Variants in ZNF385B observed in about 807,000 individuals in gnomAD.
ZNF385B encodes zinc finger protein 533.
Under a neutral mutation model 39.2 loss-of-function variants are expected in ZNF385B, and 23 were observed. That is an observed-to-expected ratio of 0.59 (90% CI 0.42 to 0.83). ZNF385B has a LOEUF of 0.83. ZNF385B is among the 40% of genes least tolerant of loss of function. The probability of loss-of-function intolerance (pLI) is 0.00; values close to 1 mark genes in which losing one functional copy is unlikely to be tolerated. For synonymous variants in ZNF385B, 205 were observed against 222.6 expected, an observed-to-expected ratio of 0.92 and a Z score of 0.70; for missense variants, 552 against 598.9, an observed-to-expected ratio of 0.92 and a Z score of 0.82.
intron 3 of ZNF385B, among the ~76,000 whole-genome samples, chr2:179,687,777 T>G (rs1260690716): frequency 6.6e-6 from 1 of 152,170 alleles, no homozygotes; most frequent in Non-Finnish European, 1.5e-5. Flanking sequence ...CATAAAATAG[T>G]AGTAACAATA....
chr2:179,707,682 A>G (rs1377817153), intron 3 of ZNF385B, among the ~76,000 whole-genome samples: 1 of 152,170 alleles, frequency 6.6e-6, no homozygotes, highest in African/African-American at 2.4e-5. Flanking sequence ...CCCCCAACTT[A>G]GGGGAAATGG....
chr2:179,479,323 A>G (rs1485351549), intron 6 of ZNF385B, among the ~76,000 whole-genome samples: 5 of 152,188 alleles, frequency 3.3e-5, no homozygotes, highest in Admixed American at 6.5e-5. Flanking sequence ...AAAGCTTGCC[A>G]TGATATCCCG....
At chr2:179,535,451 AT>A (rs1368932474) in intron 4 of ZNF385B, among the ~76,000 whole-genome samples, 2 of 152,162 alleles carry the variant, frequency 1.3e-5, no homozygotes, top group African/African-American at 4.8e-5. Flanking sequence ...TGATATTTAG[AT>A]TTTTTGTTTT....
intron 3 of ZNF385B, among the ~76,000 whole-genome samples, chr2:179,664,970 ATT>A (rs1267600409): frequency 6.6e-6 from 1 of 152,190 alleles, no homozygotes; most frequent in African/African-American, 2.4e-5. Flanking sequence ...TATGAAAAAA[ATT>A]TTAAACAGTT....
rs143524690 is a variant in ZNF385B, at chr2:179,533,407, T to C, written c.441+11420A>G. On this transcript the variant is annotated intron_variant, in intron 4 of 9. Coordinates refer to ENST00000410066, the MANE Select transcript of ZNF385B (RefSeq NM_152520.6). Reference sequence around the variant, plus strand: ...GTAATTTAAAATTTTTTATTTAGGCTGATATTTGCATTCTGAGAAAAAATA... The same window carrying C: ...GTAATTTAAAATTTTTTATTTAGGCCGATATTTGCATTCTGAGAAAAAATA... Among the ~76,000 whole-genome samples, 1,179 of 152,324 alleles carry C rather than the reference T, an allele frequency of 7.7e-3. 12 individuals carry two copies. The highest frequency in any genetic ancestry group is 0.027 in the African/African-American group (1,133 of 41,576).
rs1553525684 is a variant in ZNF385B, at chr2:179,760,223, C to CGTGCGTGTGT, written c.298+9279_298+9280insACACACGCAC. Among the ~76,000 whole-genome samples the CGTGCGTGTGT allele has an allele frequency of 7.0e-3, 1,016 of 144,522 alleles. 40 individuals are homozygous for CGTGCGTGTGT. The East Asian group carries it at 0.094, about 13-fold the overall frequency. 94.8% of individuals were successfully genotyped at this position (144,522 alleles called of 152,430 possible). On this transcript the variant is annotated intron_variant, in intron 3 of 9. Transcript: ENST00000410066. ...CCAGTATTACCTGGATTCCTGTGTGCGTGTGTGTGTGTGTGTGTGTGTGTG... is the reference window on the plus strand; with the variant it reads ...CCAGTATTACCTGGATTCCTGTGTGCGTGCGTGTGTGTGTGTGTGTGTGTGTGTGTGTGTG...
Position 179,464,448 on chromosome 2 carries a change from C to T in ZNF385B, c.716-17678G>A, listed in dbSNP as rs571095047. On this transcript the variant is annotated intron_variant, in intron 6 of 9. Transcript: ENST00000410066. ...CATGCCTATGTCCTGAATGGTATTG[C>T]CCAGGTTTTCCTCTAGGATTTTTAT... Among the ~76,000 whole-genome samples the T allele has an allele frequency of 2.6e-5, 4 of 152,228 alleles. No homozygotes were observed. The East Asian group carries it at 5.8e-4, about 22-fold the overall frequency.
intron 1 of ZNF385B, among the ~76,000 whole-genome samples, chr2:179,806,990 T>A (rs1221171972): frequency 1.3e-5 from 2 of 152,190 alleles, no homozygotes; most frequent in Non-Finnish European, 2.9e-5. Context: ...GGCTTATAAA[T>A]TGGTACAAAC....
At chr2:179,802,042 C>T (rs965357053) in intron 1 of ZNF385B, among the ~76,000 whole-genome samples, 4 of 152,084 alleles carry the variant, frequency 2.6e-5, no homozygotes, top group African/African-American at 7.2e-5. Flanking sequence ...ACTGAAATAA[C>T]GTAATTCAAA....
At chr2:179,799,061 G>A (rs1309778817) in intron 1 of ZNF385B, among the ~76,000 whole-genome samples, 1 of 151,964 alleles carries the variant, frequency 6.6e-6, no homozygotes, top group Admixed American at 6.6e-5. Flanking sequence ...ATTGGTAAGA[G>A]TAGTACACTA....
At chr2:179,805,779 C>T (rs1020775487) in intron 1 of ZNF385B, among the ~76,000 whole-genome samples, 10 of 152,158 alleles carry the variant, frequency 6.6e-5, no homozygotes, top group Non-Finnish European at 1.3e-4. Flanking sequence ...GCTGTTCCTC[C>T]TCCTTCTGCT....
chr2:179,581,345 T>TA (rs947628125), intron 3 of ZNF385B, among the ~76,000 whole-genome samples: 5 of 152,210 alleles, frequency 3.3e-5, no homozygotes, highest in East Asian at 1.9e-4. Flanking sequence ...CAAGTACAGT[T>TA]AAAAAAATTA....
At chr2:179,508,457 G>A (rs2057417081) in intron 5 of ZNF385B, among the ~76,000 whole-genome samples, 1 of 152,140 alleles carries the variant, frequency 6.6e-6, no homozygotes, top group Non-Finnish European at 1.5e-5. Context: ...CCCAAGTGGC[G>A]AGACAAGTTT....
chr2:179,777,814 C>T (rs2106518453), intron 1 of ZNF385B, among the ~76,000 whole-genome samples: 1 of 150,688 alleles, frequency 6.6e-6, no homozygotes, highest in South Asian at 2.1e-4. Flanking sequence ...GCTCCGCTGC[C>T]CAGGCTGGCA....
intron 3 of ZNF385B, among the ~76,000 whole-genome samples, chr2:179,551,025 ACAGAAC>A (rs1306956853): frequency 6.6e-6 from 1 of 152,236 alleles, no homozygotes; most frequent in South Asian, 2.1e-4. Flanking sequence ...TTCTCATGGG[ACAGAAC>A]CAACCTTTGA....
intron 1 of ZNF385B, among the ~76,000 whole-genome samples, chr2:179,813,287 A>G (rs1706849368): frequency 6.6e-6 from 1 of 152,224 alleles, no homozygotes; most frequent in South Asian, 2.1e-4. Flanking sequence ...TCCCCAATGT[A>G]TTAAATACCT....
At chr2:179,744,965 G>A (rs1201908474) in intron 3 of ZNF385B, among the ~76,000 whole-genome samples, 1 of 151,682 alleles carries the variant, frequency 6.6e-6, no homozygotes, top group Non-Finnish European at 1.5e-5. Flanking sequence ...TACTTACAAG[G>A]CTACATCAAA....
At chr2:179,633,444 G>A (rs1691433509) in intron 3 of ZNF385B, among the ~76,000 whole-genome samples, 1 of 152,048 alleles carries the variant, frequency 6.6e-6, no homozygotes, top group Admixed American at 6.6e-5. Context: ...CAGAACCAAT[G>A]ACAAAAACAC....
chr2:179,738,182 C>T (rs1317563755), intron 3 of ZNF385B, among the ~76,000 whole-genome samples: 3 of 152,142 alleles, frequency 2.0e-5, no homozygotes, highest in Non-Finnish European at 2.9e-5. Flanking sequence ...TTATATCAAG[C>T]AAAAATCTTT....
Sources: allele counts gnomAD v4.1 joint callset (sites outside exome capture counted in the v4.1 genomes callset), GRCh38; gene constraint gnomAD v4.1.1; transcripts MANE v1.5; gene names NCBI Gene and HGNC (gene_info 2026-07-23, HGNC 2026-07-21).